Variants in GPHN observed in about 807,000 individuals in gnomAD.
GPHN encodes gephyrin.
A neutral mutation model predicts 95.5 loss-of-function variants in GPHN; 17 were observed. That is an observed-to-expected ratio of 0.18 (90% CI 0.12 to 0.27). The LOEUF (loss-of-function observed/expected upper bound fraction) is 0.27, where lower values mean the gene tolerates loss of function less well. Ranked by LOEUF, GPHN falls within the 10% of genes least tolerant of loss-of-function variation. The probability of loss-of-function intolerance (pLI) is 1.00; values close to 1 mark genes in which losing one functional copy is unlikely to be tolerated. For missense variants in GPHN, 660 were observed against 978.1 expected (o/e 0.67, Z 4.34); for synonymous variants, 320 against 322.5 (o/e 0.99, Z 0.08).
intron 2 of GPHN, among the ~76,000 whole-genome samples, chr14:66,724,821 A>T (rs2071070565): frequency 6.6e-6 from 1 of 152,220 alleles, no homozygotes; most frequent in South Asian, 2.1e-4. Flanking sequence ...AGAGCATTTA[A>T]TTCTCACCCT....
At chr14:66,525,218 G>A (rs1347662982) in intron 1 of GPHN, among the ~76,000 whole-genome samples, 3 of 152,118 alleles carry the variant, frequency 2.0e-5, no homozygotes. Context: ...TCACATTGTG[G>A]TTTTGATTTG....
chr14:67,506,138 G>A, the GPHN span, among the ~76,000 whole-genome samples: 1 of 152,184 alleles, frequency 6.6e-6, no homozygotes, highest in South Asian at 2.1e-4. Flanking sequence ...GCACTTTCCT[G>A]CCCCTCCCAG....
chr14:67,159,256 GAAGA>G (rs1358467502), intron 18 of GPHN, among the ~76,000 whole-genome samples, 155 bp from the exon 19 acceptor site: 2 of 152,124 alleles, frequency 1.3e-5, no homozygotes, highest in Non-Finnish European at 2.9e-5. Flanking sequence ...ATGGATAAAT[GAAGA>G]ATGAAGGAAT....
the GPHN span, chr14:67,663,152 T>C: frequency 3.3e-6 from 5 of 1,533,012 alleles, no homozygotes; most frequent in Non-Finnish European, 4.4e-6. Context: ...GTCCCTTTGG[T>C]TGAGTGTATC....
chr14:66,627,700 A>G (rs187815953), intron 1 of GPHN, among the ~76,000 whole-genome samples: 1 of 152,194 alleles, frequency 6.6e-6, no homozygotes, highest in African/African-American at 2.4e-5. Context: ...AAGACTTGAT[A>G]TTGTTAGACT....
intron 1 of GPHN, among the ~76,000 whole-genome samples, chr14:66,591,650 A>G (rs1056941300): frequency 2.6e-5 from 4 of 152,218 alleles, no homozygotes; most frequent in African/African-American, 9.6e-5. Context: ...TCAAGGAAAT[A>G]AGAGAGGACA....
Position 67,056,962 on chromosome 14 carries a change from C to T in GPHN, c.1007-1687C>T, listed in dbSNP as rs913864436. On this transcript the variant is annotated intron_variant, in intron 10 of 22. Coordinates refer to ENST00000478722, the MANE Select transcript of GPHN (RefSeq NM_020806.5). ...CCCTCCGCAGCTGCTGGCCTGGGGGCTAAGCCCCTCACTGCAGGGCCCGCC... is the reference window on the plus strand; with the variant it reads ...CCCTCCGCAGCTGCTGGCCTGGGGGTTAAGCCCCTCACTGCAGGGCCCGCC... Among the ~76,000 whole-genome samples, 8 of 152,328 alleles carry T rather than the reference C, an allele frequency of 5.3e-5. 1 individual carries two copies. In the East Asian group the frequency reaches 1.5e-3, roughly 29 times the overall value.
intron 2 of GPHN, among the ~76,000 whole-genome samples, chr14:66,687,938 C>T (rs570404960): frequency 2.0e-5 from 3 of 152,262 alleles, no homozygotes; most frequent in African/African-American, 7.2e-5. Flanking sequence ...GATCCTTGAA[C>T]AGTATGAGTA....
chr14:66,593,721 C>G (rs1200871171), intron 1 of GPHN, among the ~76,000 whole-genome samples: 1 of 152,104 alleles, frequency 6.6e-6, no homozygotes, highest in African/African-American at 2.4e-5. Context: ...GAGTATTATG[C>G]TCAGCACTGA....
intron 2 of GPHN, among the ~76,000 whole-genome samples, chr14:66,724,154 T>C (rs2071012254): frequency 1.3e-5 from 2 of 152,330 alleles, no homozygotes; most frequent in African/African-American, 4.8e-5. Flanking sequence ...TTATTCAATT[T>C]GTGATTCTGG....
At chr14:66,923,723 AT>A (rs2066336533) in intron 7 of GPHN, among the ~76,000 whole-genome samples, 1 of 152,126 alleles carries the variant, frequency 6.6e-6, no homozygotes, top group African/African-American at 2.4e-5. Flanking sequence ...AAGATTGAAA[AT>A]TTAATTGCTA....
the GPHN span, chr14:67,648,303 T>A: frequency 1.7e-6 from 2 of 1,172,744 alleles, no homozygotes; most frequent in Non-Finnish European, 2.3e-6. Flanking sequence ...TTGCTTAAAC[T>A]TTTGTAGCTA....
chr14:66,569,059 T>C (rs2060570635), intron 1 of GPHN, among the ~76,000 whole-genome samples: 1 of 151,464 alleles, frequency 6.6e-6, no homozygotes, highest in Admixed American at 6.6e-5. Context: ...AAATAGTATA[T>C]ATTTTTATAT....
At chr14:66,584,857 G>A (rs1009197965) in intron 1 of GPHN, among the ~76,000 whole-genome samples, 3 of 151,974 alleles carry the variant, frequency 2.0e-5, no homozygotes, top group Non-Finnish European at 4.4e-5. Flanking sequence ...CTCTTTTTTG[G>A]TTGTGTCTCT....
the GPHN span, among the ~76,000 whole-genome samples, chr14:67,413,242 T>C: frequency 0.078 from 11,841 of 152,212 alleles, 1,233 homozygotes; most frequent in East Asian, 0.43. Context: ...TAACAATCCT[T>C]AGAACACAGT....
chr14:66,976,313 A>C (rs982366356), intron 9 of GPHN, among the ~76,000 whole-genome samples: 1 of 152,218 alleles, frequency 6.6e-6, no homozygotes, highest in Admixed American at 6.5e-5. Flanking sequence ...ACTAGCATTC[A>C]GTATAATTAA....
At chr14:67,012,075 C>T (rs1043691232) in intron 9 of GPHN, among the ~76,000 whole-genome samples, 1 of 152,112 alleles carries the variant, frequency 6.6e-6, no homozygotes, top group African/African-American at 2.4e-5. Context: ...TGTTCTGTCC[C>T]AAATGAAACT....
At chr14:67,589,842 C>A in the GPHN span, 2 of 1,199,072 alleles carry the variant, frequency 1.7e-6, no homozygotes, top group Non-Finnish European at 2.1e-6. Flanking sequence ...TGTCAAAATT[C>A]TTAAGGTCTC....
At chr14:67,467,167 G>T in the GPHN span, 1 of 152,166 alleles carries the variant, frequency 6.6e-6, no homozygotes, top group Admixed American at 6.6e-5. Flanking sequence ...GGTCAACGTT[G>T]TAATGTTATG....
Sources: gnomAD v4.1 joint callset for allele counts (sites outside exome capture counted in the v4.1 genomes callset) on GRCh38, gnomAD v4.1.1 for gene constraint, MANE v1.5 for transcripts, NCBI Gene and HGNC (gene_info 2026-07-23, HGNC 2026-07-21) for gene names.